The following CNTN5 variants were observed in gnomAD, a reference collection of about 807,000 sequenced individuals.
The protein encoded by CNTN5 is contactin 5.
CNTN5 carries 77 observed loss-of-function variants against 129.1 expected under a neutral mutation model. That is an observed-to-expected ratio of 0.60 (90% CI 0.50 to 0.72). The LOEUF (loss-of-function observed/expected upper bound fraction) is 0.72, where lower values mean the gene tolerates loss of function less well. Among genes scored for constraint, CNTN5 ranks in the 30% least tolerant of loss-of-function variants. The pLI is 0.00. For missense variants in CNTN5, 1,478 were observed against 1,328.8 expected, an observed-to-expected ratio of 1.11 and a Z score of -1.75; for synonymous variants, 509 against 465.6, an observed-to-expected ratio of 1.09 and a Z score of -1.20.
At chr11:99,515,912 G>C (rs932867863) in intron 2 of CNTN5, among the ~76,000 whole-genome samples, 1 of 150,344 alleles carries the variant, frequency 6.7e-6, no homozygotes, top group Non-Finnish European at 1.5e-5. Context: ...ACATTGTAGA[G>C]AGTCATACAC....
intron 9 of CNTN5, among the ~76,000 whole-genome samples, chr11:100,036,211 T>G (rs1253389582): frequency 6.6e-6 from 1 of 152,178 alleles, no homozygotes; most frequent in Non-Finnish European, 1.5e-5. Context: ...CCAGCACCAT[T>G]TATTAAATAG....
chr11:99,229,759 A>C (rs1860891619), intron 1 of CNTN5, among the ~76,000 whole-genome samples: 2 of 152,052 alleles, frequency 1.3e-5, no homozygotes, highest in African/African-American at 4.8e-5. Context: ...GTATAAGAAC[A>C]GTTTCAGGCT....
intron 2 of CNTN5, among the ~76,000 whole-genome samples, chr11:99,543,966 T>C (rs536548992): frequency 1.5e-4 from 23 of 149,374 alleles, no homozygotes; most frequent in African/African-American, 5.4e-4. Context: ...GTAGGGGTAG[T>C]ATTACCTTGA....
chr11:99,209,593 G>T (rs759575500), intron 1 of CNTN5, among the ~76,000 whole-genome samples: 4 of 152,090 alleles, frequency 2.6e-5, no homozygotes, highest in African/African-American at 7.2e-5. Flanking sequence ...CAACAATGGG[G>T]ATTACATTGC....
At chr11:100,007,257 G>T (rs112271901) in intron 9 of CNTN5, among the ~76,000 whole-genome samples, 5 of 151,950 alleles carry the variant, frequency 3.3e-5, no homozygotes, top group Non-Finnish European at 7.4e-5. Context: ...ATGAGCATTG[G>T]CTTCAGATTC....
intron 1 of CNTN5, among the ~76,000 whole-genome samples, chr11:99,040,343 C>A (rs554300411): frequency 6.6e-6 from 1 of 152,038 alleles, no homozygotes; most frequent in East Asian, 1.9e-4. Flanking sequence ...AAGTAAGTCA[C>A]AGAGAAAGCT....
rs1943870118 is a variant in CNTN5 at position 100,070,311 on chromosome 11, G to A, written c.1163-113G>A. The A allele has an allele frequency of 3.6e-6, 4 of 1,100,788 alleles. No individual in the cohort carries two copies. The South Asian group carries it at 4.9e-5, about 13-fold the overall frequency. 68.2% of individuals were successfully genotyped at this position (1,100,788 alleles called of 1,614,324 possible). Reference sequence around the variant, plus strand: ...TGCTGTGCTTCTTCAAAATACCTATGGTTGAATGAATTGCTTTTAAAAAAA... The same window carrying A: ...TGCTGTGCTTCTTCAAAATACCTATAGTTGAATGAATTGCTTTTAAAAAAA... On this transcript the variant is annotated intron_variant, in intron 10 of 24. Coordinates refer to ENST00000524871, the MANE Select transcript of CNTN5 (RefSeq NM_014361.4).
At chr11:99,932,992 A>G (rs1254057588) in intron 7 of CNTN5, among the ~76,000 whole-genome samples, 2 of 152,146 alleles carry the variant, frequency 1.3e-5, no homozygotes, top group African/African-American at 2.4e-5. Flanking sequence ...TGTATCTTTT[A>G]TAGATTTGCT....
chr11:99,082,896 A>C (rs1311765121), intron 1 of CNTN5, among the ~76,000 whole-genome samples: 1 of 152,188 alleles, frequency 6.6e-6, no homozygotes, highest in East Asian at 1.9e-4. Flanking sequence ...AGTAAAGTAC[A>C]TTTAAATAGC....
intron 9 of CNTN5, among the ~76,000 whole-genome samples, chr11:100,043,522 G>A (rs1942484970): frequency 6.6e-6 from 1 of 152,124 alleles, no homozygotes; most frequent in African/African-American, 2.4e-5. Context: ...TGTTTTTGAA[G>A]GGAAAACCTG....
intron 2 of CNTN5, among the ~76,000 whole-genome samples, chr11:99,545,190 C>T (rs998032898): frequency 6.6e-6 from 1 of 152,108 alleles, no homozygotes; most frequent in African/African-American, 2.4e-5. Flanking sequence ...AAATGAAGTA[C>T]AAAAATGTAT....
intron 1 of CNTN5, among the ~76,000 whole-genome samples, chr11:99,115,329 T>G (rs1246781205): frequency 6.6e-6 from 1 of 152,196 alleles, no homozygotes; most frequent in Non-Finnish European, 1.5e-5. Context: ...GTACATCTTT[T>G]AGAAGGAAAA....
intron 10 of CNTN5, among the ~76,000 whole-genome samples, chr11:100,063,809 C>T (rs1159306057): frequency 6.6e-6 from 1 of 152,004 alleles, no homozygotes; most frequent in Non-Finnish European, 1.5e-5. Context: ...ATCACCTGAA[C>T]CCAGAAAGTC....
In CNTN5 at chr11:99,703,293, C is replaced by T. The variant is rs1954606985; in HGVS notation, c.56-116251C>T. Among the ~76,000 whole-genome samples, 3 of 145,472 alleles carry T rather than the reference C, an allele frequency of 2.1e-5. No homozygotes were observed. The South Asian group carries it at 6.5e-4, about 32-fold the overall frequency. On this transcript the variant is annotated intron_variant, in intron 3 of 24. Coordinates refer to ENST00000524871, the MANE Select transcript of CNTN5 (RefSeq NM_014361.4). ...GCTTTCTAATCAAGATTAAAACAAG[C>T]CATACTGATGCAGATTAAATTATCT...
chr11:100,270,530 G>C (rs1010173790), intron 17 of CNTN5, among the ~76,000 whole-genome samples: 1 of 152,162 alleles, frequency 6.6e-6, no homozygotes, highest in African/African-American at 2.4e-5. Flanking sequence ...AATGGTAATT[G>C]TATTGACAAA....
At chr11:99,138,741 C>T (rs568168743) in intron 1 of CNTN5, among the ~76,000 whole-genome samples, 1 of 152,138 alleles carries the variant, frequency 6.6e-6, no homozygotes, top group East Asian at 1.9e-4. Flanking sequence ...GAAGTCAGTG[C>T]TAAGACATAA....
At position 99,730,170 on chromosome 11, in the gene CNTN5, T is replaced by C. The variant is rs561694670; in HGVS notation, c.56-89374T>C. On this transcript the variant is annotated intron_variant, in intron 3 of 24. Coordinates refer to ENST00000524871, the MANE Select transcript of CNTN5 (RefSeq NM_014361.4). ...TACTTATATTGTGAATAACTATTAATTAAACAGAATTAAATATGACCTAGC... is the reference window on the plus strand; with the variant it reads ...TACTTATATTGTGAATAACTATTAACTAAACAGAATTAAATATGACCTAGC... Among the ~76,000 whole-genome samples, 10 of 152,318 alleles carry C rather than the reference T, an allele frequency of 6.6e-5. No homozygotes were observed. In the East Asian group the frequency reaches 7.7e-4, roughly 12 times the overall value.
chr11:99,799,895 G>A (rs1397725558), intron 3 of CNTN5, among the ~76,000 whole-genome samples: 3 of 151,674 alleles, frequency 2.0e-5, no homozygotes, highest in African/African-American at 7.3e-5. Context: ...TTGGTTGGTG[G>A]GTTTGCTATT....
chr11:99,213,906 TG>T (rs1012705728), intron 1 of CNTN5, among the ~76,000 whole-genome samples: 2 of 152,166 alleles, frequency 1.3e-5, no homozygotes, highest in Admixed American at 1.3e-4. Context: ...TGTTTTATTT[TG>T]AGAACAAATT....
Sources: allele counts gnomAD v4.1 joint callset (sites outside exome capture counted in the v4.1 genomes callset), GRCh38; gene constraint gnomAD v4.1.1; transcripts MANE v1.5; gene names NCBI Gene and HGNC (gene_info 2026-07-23, HGNC 2026-07-21).